The following SNX13 variants were observed in gnomAD, a reference collection of about 807,000 sequenced individuals.
The protein encoded by SNX13 is sorting nexin 13.
In SNX13, 45 loss-of-function variants were observed where a neutral mutation model predicts 133.6. The ratio of observed to expected loss-of-function variants is 0.34; its 90% CI spans 0.27 to 0.43. The LOEUF (loss-of-function observed/expected upper bound fraction) is 0.43. Ranked by LOEUF, SNX13 falls within the 20% of genes least tolerant of loss-of-function variation. SNX13 has a pLI of 1.00. For missense variants in SNX13, 1,032 were observed against 1,145.1 expected, an observed-to-expected ratio of 0.90 and a Z score of 1.43; for synonymous variants, 414 against 373.9, an observed-to-expected ratio of 1.11 and a Z score of -1.24.
chr7:17,798,439 C>T (rs1212060518), intron 24 of SNX13, among the ~76,000 whole-genome samples: 1 of 151,850 alleles, frequency 6.6e-6, no homozygotes, highest in Admixed American at 6.6e-5. Flanking sequence ...AGCCATGGTA[C>T]TGTGATAAAA....
chr7:17,849,780 C>CA lies in SNX13; in HGVS notation c.1065+566dup, dbSNP rs1423209936. On this transcript the variant is annotated intron_variant, in intron 11 of 25. Coordinates refer to ENST00000428135, the MANE Select transcript of SNX13 (RefSeq NM_015132.5). ...CTAAGATAGATACTTCAAAGGCAAA[C>CA]AAAAATACATCACAGGACTAACTGC... 2.0e-5 allele frequency among the ~76,000 whole-genome samples: 3 copies of CA among 152,176 alleles called. No homozygotes were observed. The East Asian group carries it at 5.8e-4, about 29-fold the overall frequency.
chr7:17,870,838 A>G (rs1415593658), intron 8 of SNX13, among the ~76,000 whole-genome samples: 1 of 152,218 alleles, frequency 6.6e-6, no homozygotes, highest in African/African-American at 2.4e-5. Context: ...AAAATATGGT[A>G]AATGCTATGA....
intron 1 of SNX13, among the ~76,000 whole-genome samples, chr7:17,911,493 G>C (rs1798973475): frequency 6.6e-6 from 1 of 152,012 alleles, no homozygotes; most frequent in African/African-American, 2.4e-5. Flanking sequence ...ACAAAAATTA[G>C]CCAGGCGTAG....
chr7:17,928,699 T>C (rs1409438362), intron 1 of SNX13, among the ~76,000 whole-genome samples: 1 of 152,232 alleles, frequency 6.6e-6, no homozygotes, highest in Non-Finnish European at 1.5e-5. Context: ...TTTAGGAATC[T>C]GATGTAGATT....
rs1794369937 is a variant in SNX13, at chr7:17,873,640, C to G, written c.665-24G>C. On this transcript the variant is annotated intron_variant, in intron 7 of 25. Transcript: ENST00000428135. ...TCCTAAAAGTAGAAAAAGTAGCTAT[C>G]ATAACATTAGAAAATATAAAGTCTA... 9 of 1,405,966 alleles carry G rather than the reference C, an allele frequency of 6.4e-6. 1 individual carries two copies. In the East Asian group the frequency reaches 2.2e-4, roughly 35 times the overall value. 87.1% of individuals were successfully genotyped at this position (1,405,966 alleles called of 1,614,324 possible).
chr7:17,844,539 T>G (rs943226276), intron 12 of SNX13, among the ~76,000 whole-genome samples: 1 of 152,054 alleles, frequency 6.6e-6, no homozygotes, highest in African/African-American at 2.4e-5. Context: ...AAACACTTCC[T>G]AACTCATTCT....
chr7:17,825,257 A>AACTAGACTAGACTAGACTAGACTAG (rs3056689), intron 17 of SNX13, among the ~76,000 whole-genome samples: 84 of 146,514 alleles, frequency 5.7e-4, no homozygotes, highest in East Asian at 1.8e-3. Context: ...AACTAGATTA[A>AACTAGACTAGACTAGACTAGACTAG]ACTAGACTAG....
chr7:17,846,185 TAAAC>T (rs1056063812), intron 11 of SNX13, among the ~76,000 whole-genome samples: 1 of 151,454 alleles, frequency 6.6e-6, no homozygotes, highest in Non-Finnish European at 1.5e-5. Context: ...CCAGACTCTC[TAAAC>T]AGTGAATTTC....
chr7:17,794,352 T>TTAA (rs2128281131), intron 25 of SNX13, 60 bp from the exon 26 acceptor site: 2 of 1,530,070 alleles, frequency 1.3e-6, no homozygotes, highest in Non-Finnish European at 1.8e-6. Flanking sequence ...GCCTAAACTC[T>TTAA]TAAATGTTCT....
At chr7:17,807,935 C>G (rs1464786134) in intron 20 of SNX13, among the ~76,000 whole-genome samples, 1 of 152,152 alleles carries the variant, frequency 6.6e-6, no homozygotes, top group African/African-American at 2.4e-5. Flanking sequence ...GACATCCACA[C>G]AGAAACCCAT....
intron 5 of SNX13, chr7:17,881,588 C>G (rs963189246): frequency 1.3e-5 from 2 of 151,980 alleles, no homozygotes; most frequent in African/African-American, 2.4e-5. Context: ...ATTAGAAGGC[C>G]TTTTGATCAA....
chr7:17,934,368 G>A (rs776853852), intron 1 of SNX13, among the ~76,000 whole-genome samples: 27 of 152,166 alleles, frequency 1.8e-4, no homozygotes, highest in Non-Finnish European at 2.5e-4. Context: ...AGTCATTGTG[G>A]TGGATAATTT....
intron 1 of SNX13, among the ~76,000 whole-genome samples, chr7:17,940,041 C>G (rs965234977): frequency 5.9e-5 from 9 of 152,162 alleles, no homozygotes; most frequent in Non-Finnish European, 8.8e-5. Context: ...AGACCAGTGC[C>G]AGGGGCGAGT....
At chr7:17,815,279 A>G (rs10268362) in intron 19 of SNX13, among the ~76,000 whole-genome samples, 4,960 of 152,282 alleles carry the variant, frequency 0.033, 279 homozygotes, top group African/African-American at 0.11. Flanking sequence ...TTTGCATAAC[A>G]ATTCTAGGGT....
intron 1 of SNX13, among the ~76,000 whole-genome samples, chr7:17,898,456 T>C (rs1355616097): frequency 6.6e-6 from 1 of 152,170 alleles, no homozygotes; most frequent in East Asian, 1.9e-4. Context: ...TATTCATTCA[T>C]TCACTCACCA....
chr7:17,933,718 C>A lies in SNX13; in HGVS notation c.12+6566G>T, dbSNP rs532359334. ...CCTCCTAATTTCCCCTCAGGACCCA[C>A]CCACCTATCCACCAAGAAAATAGTG... On this transcript the variant is annotated intron_variant, in intron 1 of 25. Coordinates refer to ENST00000428135, the MANE Select transcript of SNX13 (RefSeq NM_015132.5). Among the ~76,000 whole-genome samples the A allele has an allele frequency of 1.8e-4, 28 of 151,892 alleles. No individual in the cohort carries two copies. In the South Asian group the frequency reaches 1.9e-3, roughly 10 times the overall value.
intron 1 of SNX13, among the ~76,000 whole-genome samples, chr7:17,914,500 A>T (rs1326017272): frequency 6.6e-6 from 1 of 152,222 alleles, no homozygotes; most frequent in East Asian, 1.9e-4. Context: ...TTACCTATAA[A>T]GGCAAACCCA....
intron 12 of SNX13, among the ~76,000 whole-genome samples, chr7:17,842,165 C>T (rs903452776): frequency 4.6e-5 from 7 of 151,882 alleles, no homozygotes; most frequent in African/African-American, 1.5e-4. Context: ...TCAAAGATAC[C>T]CACATGGAGA....
rs2691624 is a variant in SNX13, at chr7:17,854,451, A to G, written c.838-3487T>C. ...TTCAATTCCACTGTGCTTGACTATG[A>G]CACATCACACTGTGTTTTTTTTAAC... On this transcript the variant is annotated intron_variant, in intron 9 of 25. Coordinates refer to ENST00000428135, the MANE Select transcript of SNX13 (RefSeq NM_015132.5). 8.8e-3 allele frequency among the ~76,000 whole-genome samples: 1,339 copies of G among 152,328 alleles called. 15 individuals are homozygous for G. The highest frequency in any genetic ancestry group is 0.024 in the Middle Eastern group (7 of 294).
Sources: allele counts gnomAD v4.1 joint callset (sites outside exome capture counted in the v4.1 genomes callset), GRCh38; gene constraint gnomAD v4.1.1; transcripts MANE v1.5; gene names NCBI Gene and HGNC (gene_info 2026-07-23, HGNC 2026-07-21).